CEP85L: variants seen among roughly 807,000 people sequenced by gnomAD.
CEP85L encodes the protein centrosomal protein 85L.
CEP85L carries 60 observed loss-of-function variants against 100.3 expected under a neutral mutation model. That is an observed-to-expected ratio of 0.60 (90% CI 0.49 to 0.74). The LOEUF is 0.74. Ranked by LOEUF, CEP85L falls within the 30% of genes least tolerant of loss-of-function variation. The pLI, the probability that CEP85L is intolerant of heterozygous loss-of-function variation, is 0.00. For missense variants in CEP85L, 973 were observed against 936.2 expected, an observed-to-expected ratio of 1.04 and a Z score of -0.51; for synonymous variants, 319 against 322.7, an observed-to-expected ratio of 0.99 and a Z score of 0.12.
intron 2 of CEP85L, among the ~76,000 whole-genome samples, chr6:118,596,988 C>T (rs1351151143): frequency 6.6e-6 from 1 of 152,158 alleles, no homozygotes; most frequent in African/African-American, 2.4e-5. Context: ...ATGGGGGCGG[C>T]TGCCCCATGC....
upstream of CEP85L, chr6:118,651,622 G>A (rs1313490584): frequency 3.1e-5 from 33 of 1,052,582 alleles, no homozygotes; most frequent in African/African-American, 8.4e-5. Context: ...GCCAGAGCCG[G>A]GGCTGGGGCC....
intron 3 of CEP85L, among the ~76,000 whole-genome samples, chr6:118,553,673 AAC>A (rs1356286290): frequency 6.6e-6 from 1 of 152,214 alleles, no homozygotes; most frequent in African/African-American, 2.4e-5. Flanking sequence ...TGTTTCCAGA[AAC>A]AAACTCTTCT....
Position 118,559,305 on chromosome 6 carries a change from T to TA in CEP85L, c.1020+6223dup, listed in dbSNP as rs1779091685. 9.4e-6 allele frequency: 5 copies of TA among 533,832 alleles called. No individual in the cohort carries two copies. In the East Asian group the frequency reaches 1.7e-4, roughly 18 times the overall value. 33.1% of individuals were successfully genotyped at this position (533,832 alleles called of 1,614,324 possible). A position where few individuals can be genotyped will look rare whatever the true frequency, so the allele number is the denominator to read the frequency against. ...TTATTTTCAAAAATTAACTTCAAAA[T>TA]AAGTGTATAAAATGCAACTGTTGAT... On this transcript the variant is annotated intron_variant, in intron 3 of 12. Transcript: ENST00000368491.
chr6:118,624,151 C>G (rs12189876), intron 2 of CEP85L, among the ~76,000 whole-genome samples: 92 of 152,246 alleles, frequency 6.0e-4, no homozygotes, highest in African/African-American at 2.0e-3. Flanking sequence ...TAAAAAGACT[C>G]CTGCAGTTAA....
At chr6:118,665,386 G>T (rs1392227572) in intron 1 of CEP85L, among the ~76,000 whole-genome samples, 2 of 151,704 alleles carry the variant, frequency 1.3e-5, no homozygotes, top group Non-Finnish European at 1.5e-5. Context: ...TTTAGATAGG[G>T]TTTTGCTGGA....
chr6:118,540,114 CAA>C (rs1297267505), intron 3 of CEP85L, among the ~76,000 whole-genome samples: 1 of 147,976 alleles, frequency 6.8e-6, no homozygotes, highest in African/African-American at 2.5e-5. Flanking sequence ...ACACAATTAA[CAA>C]AAAGAGGATG....
intron 1 of CEP85L, among the ~76,000 whole-genome samples, chr6:118,682,495 A>G (rs1776697841): frequency 6.6e-6 from 1 of 152,090 alleles, no homozygotes; most frequent in Non-Finnish European, 1.5e-5. Context: ...CAGGCTGTCT[A>G]CAGGTGAGAC....
At chr6:118,661,178 C>G (rs138155424) in intron 1 of CEP85L, among the ~76,000 whole-genome samples, 69 of 152,178 alleles carry the variant, frequency 4.5e-4, no homozygotes, top group African/African-American at 1.7e-3. Flanking sequence ...AGCCACCGCG[C>G]CCAGCCAAGG....
At chr6:118,558,660 C>CACAGAG (rs1318088942) in intron 3 of CEP85L, among the ~76,000 whole-genome samples, 7 of 122,308 alleles carry the variant, frequency 5.7e-5, no homozygotes, top group African/African-American at 1.9e-4. Context: ...CACACACACA[C>CACAGAG]AGAGAGAGAG....
intron 1 of CEP85L, among the ~76,000 whole-genome samples, chr6:118,679,981 T>C (rs557495150): frequency 3.7e-4 from 56 of 151,904 alleles, no homozygotes; most frequent in South Asian, 6.2e-4. Flanking sequence ...AGAAATTTCA[T>C]TGGCATTAAA....
At chr6:118,511,440 A>G (rs769251433) in intron 4 of CEP85L, 25 bp from the exon 5 acceptor site, 10 of 1,421,472 alleles carry the variant, frequency 7.0e-6, no homozygotes, top group Non-Finnish European at 9.9e-6. Context: ...TTAAGGTCAC[A>G]TTATGAGTTA....
chr6:118,558,650 C>CAGAGAGAG (rs1433315078), intron 3 of CEP85L, among the ~76,000 whole-genome samples: 3 of 136,654 alleles, frequency 2.2e-5, no homozygotes, highest in African/African-American at 9.8e-5. Flanking sequence ...CACACACACA[C>CAGAGAGAG]ACACACACAC....
intron 1 of CEP85L, among the ~76,000 whole-genome samples, chr6:118,701,074 T>C (rs1422278514): frequency 1.3e-5 from 2 of 152,130 alleles, no homozygotes; most frequent in Non-Finnish European, 2.9e-5. Context: ...AGGATACAAG[T>C]CCTCCCATTC....
intron 2 of CEP85L, among the ~76,000 whole-genome samples, chr6:118,578,460 G>A (rs1212333371): frequency 3.3e-5 from 5 of 152,210 alleles, no homozygotes; most frequent in South Asian, 2.1e-4. Flanking sequence ...GGCCGGGAGC[G>A]GTGGCTCACG....
intron 5 of CEP85L, among the ~76,000 whole-genome samples, chr6:118,495,886 A>G (rs777792110): frequency 3.9e-5 from 6 of 152,200 alleles, no homozygotes; most frequent in East Asian, 1.9e-4. Flanking sequence ...AAGTCTATCA[A>G]TGTTAACAAG....
At chr6:118,636,626 G>C (rs1238727352) in intron 1 of CEP85L, among the ~76,000 whole-genome samples, 1 of 147,888 alleles carries the variant, frequency 6.8e-6, no homozygotes, top group Non-Finnish European at 1.5e-5. Flanking sequence ...TCCATAATGT[G>C]GGTGGGCTTC....
chr6:118,499,251 C>A (rs1775118603), intron 5 of CEP85L, among the ~76,000 whole-genome samples: 1 of 152,040 alleles, frequency 6.6e-6, no homozygotes, highest in Non-Finnish European at 1.5e-5. Context: ...ACAAAAGAAA[C>A]TAAAAGTTCA....
chr6:118,646,871 AATATT>A, intron 1 of CEP85L: 1 of 924,946 alleles, frequency 1.1e-6, no homozygotes. Flanking sequence ...CACACACATA[AATATT>A]ACAACATGAC....
chr6:118,553,233 G>T (rs1482693966), intron 3 of CEP85L, among the ~76,000 whole-genome samples: 1 of 118,736 alleles, frequency 8.4e-6, no homozygotes, highest in Non-Finnish European at 1.8e-5. Context: ...AAAAAAAAAA[G>T]GAAACTCATA....
Sources: allele counts gnomAD v4.1 joint callset (sites outside exome capture counted in the v4.1 genomes callset), GRCh38; gene constraint gnomAD v4.1.1; transcripts MANE v1.5; gene names NCBI Gene and HGNC (gene_info 2026-07-23, HGNC 2026-07-21).